Variants in DCAF6 observed in about 807,000 individuals in gnomAD.
DCAF6 encodes the protein DDB1- and CUL4-associated factor 6.
In DCAF6, 54 loss-of-function variants were observed where a neutral mutation model predicts 125.1. The observed-to-expected ratio is 0.43, with a 90% CI of 0.35 to 0.54. The LOEUF (loss-of-function observed/expected upper bound fraction) is 0.54, where lower values mean the gene tolerates loss of function less well. DCAF6 is among the 20% of genes least tolerant of loss of function. DCAF6 has a pLI of 0.01. For missense variants in DCAF6, 934 were observed against 1,161.7 expected (o/e 0.80, Z 2.85); for synonymous variants, 371 against 390.4 (o/e 0.95, Z 0.58).
Position 168,004,574 on chromosome 1 carries a change from C to T in DCAF6, c.1159C>T (p.Pro387Ser). 6.2e-7 allele frequency: 1 copy of T among 1,612,072 alleles called. No individual in the cohort carries two copies. ...AGATATTTCAACTCTTCCTACGGTC[C>T]CATCAAGTCCTGATTTGGAAGTGAG... ...QSDISTLPTV[P>S]SSPDLEVSET... is the part of the protein sequence containing the mutation. The change falls in exon 10 of 22, where the codon CCA becomes TCA. Residue 387 changes from proline to serine, a missense_variant. By Grantham distance (74) the Pro-to-Ser change is moderately conservative. Transcript: ENST00000367840.
intron 2 of DCAF6, among the ~76,000 whole-genome samples, chr1:167,952,762 C>G (rs1557884352): frequency 6.6e-6 from 1 of 152,132 alleles, no homozygotes; most frequent in Non-Finnish European, 1.5e-5. Flanking sequence ...TCTGCCTCTT[C>G]CCAGAGTTTT....
intron 3 of DCAF6, among the ~76,000 whole-genome samples, chr1:167,967,306 A>G (rs1676566098): frequency 6.6e-6 from 1 of 152,204 alleles, no homozygotes. Flanking sequence ...CCATAAGCTA[A>G]TAAACTCCCT....
intron 16 of DCAF6, among the ~76,000 whole-genome samples, chr1:168,049,678 C>T (rs1294169842): frequency 3.0e-5 from 3 of 100,206 alleles, no homozygotes; most frequent in Admixed American, 1.4e-4. Flanking sequence ...TTTTTGGAGA[C>T]GGAGTCTCGC....
Position 168,044,455 on chromosome 1 carries a change from A to G in DCAF6, c.1844-130A>G, listed in dbSNP as rs1688912652. 7.4e-6 allele frequency: 5 copies of G among 674,762 alleles called. No homozygotes were observed. The South Asian group carries it at 9.0e-5, about 12-fold the overall frequency. 41.8% of individuals were successfully genotyped at this position (674,762 alleles called of 1,614,324 possible). ...TTACAGTATAAGGAAGGGTATGCAT[A>G]GGTTATATGCAAATATTATGCCATT... On this transcript the variant is annotated intron_variant, in intron 14 of 21. Transcript: ENST00000367840.
chr1:168,049,181 C>T (rs1689513295), intron 16 of DCAF6, among the ~76,000 whole-genome samples: 2 of 152,050 alleles, frequency 1.3e-5, no homozygotes, highest in South Asian at 4.1e-4. Context: ...AGGAAAAAAG[C>T]AAAACAAAGC....
rs781126980 is a variant in DCAF6 at position 168,044,676 on chromosome 1, G to A, written c.1930+5G>A. 2 of 1,604,362 alleles carry A rather than the reference G, an allele frequency of 1.2e-6. No homozygotes were observed. Among genetic ancestry groups the A allele is most frequent in the Non-Finnish European group, 1.7e-6 (2 of 1,171,704 alleles). On this transcript the variant is annotated splice_donor_5th_base_variant and intron_variant, in intron 15 of 21. Transcript: ENST00000367840. ...TTGAGAACCATATCAATATAAGTGAGTTGCTCCCTTTAGATAATTGCTTTG... is the reference window on the plus strand; with the variant it reads ...TTGAGAACCATATCAATATAAGTGAATTGCTCCCTTTAGATAATTGCTTTG...
At chr1:167,925,464 T>TATATATAC in the DCAF6 span, among the ~76,000 whole-genome samples, 1 of 116,646 alleles carries the variant, frequency 8.6e-6, no homozygotes, top group African/African-American at 4.0e-5. Flanking sequence ...TATATATATA[T>TATATATAC]ATATATATAT....
the DCAF6 span, chr1:167,870,138 C>A: frequency 8.9e-7 from 1 of 1,124,124 alleles, no homozygotes. Flanking sequence ...AGGGTCATGG[C>A]ATCCAATAAT....
At chr1:167,892,033 G>GC in the DCAF6 span, among the ~76,000 whole-genome samples, 2 of 114 alleles carry the variant, frequency 0.018, no homozygotes, top group Non-Finnish European at 0.034. Context: ...GAGTGCAGTG[G>GC]AGCAATCTCG....
chr1:168,049,197 A>C (rs1296982583), intron 16 of DCAF6, among the ~76,000 whole-genome samples: 2 of 152,150 alleles, frequency 1.3e-5, no homozygotes, highest in African/African-American at 4.8e-5. Context: ...AAAGCAAAAA[A>C]ATAGTATGTG....
intron 4 of DCAF6, among the ~76,000 whole-genome samples, chr1:167,986,046 T>G (rs894283043): frequency 1.3e-5 from 2 of 152,236 alleles, no homozygotes; most frequent in Non-Finnish European, 2.9e-5. Context: ...AGAATAGTAA[T>G]GATTTGTTCA....
At chr1:168,045,309 C>A in intron 16 of DCAF6, 82 bp downstream of exon 16, 1 of 1,269,954 alleles carries the variant, frequency 7.9e-7, no homozygotes. Flanking sequence ...GGAATCTCTC[C>A]ATTTTTGACA....
At chr1:168,033,360 CTGCGGACTGCAGTGGCGCAA>C (rs1257043178) in intron 12 of DCAF6, among the ~76,000 whole-genome samples, 1 of 143,690 alleles carries the variant, frequency 7.0e-6, no homozygotes, top group Non-Finnish European at 1.5e-5. Context: ...CCAGGCCGGA[CTGCGGACTGCAGTGGCGCAA>C]TCTCGGCTCA....
At chr1:167,869,311 T>C in the DCAF6 span, among the ~76,000 whole-genome samples, 1 of 152,150 alleles carries the variant, frequency 6.6e-6, no homozygotes, top group Admixed American at 6.5e-5. Flanking sequence ...CCAAAATGCC[T>C]CAACACAAGT....
chr1:167,874,538 T>C, the DCAF6 span, among the ~76,000 whole-genome samples: 1 of 152,192 alleles, frequency 6.6e-6, no homozygotes, highest in Non-Finnish European at 1.5e-5. Flanking sequence ...AGTCAGAATA[T>C]AAATAAATAC....
intron 10 of DCAF6, among the ~76,000 whole-genome samples, chr1:168,007,312 A>G (rs546549271): frequency 6.6e-6 from 1 of 152,138 alleles, no homozygotes; most frequent in South Asian, 2.1e-4. Flanking sequence ...TGGCCTTAAC[A>G]TGCTCTTATT....
intron 3 of DCAF6, among the ~76,000 whole-genome samples, chr1:167,974,293 C>T (rs73026133): frequency 0.11 from 16,677 of 151,938 alleles, 1,035 homozygotes; most frequent in African/African-American, 0.16. Flanking sequence ...TTATCTGCAA[C>T]AAATTATACA....
intron 4 of DCAF6, 92 bp downstream of exon 4, chr1:167,975,107 C>A: frequency 1.4e-6 from 1 of 723,222 alleles, no homozygotes; most frequent in Non-Finnish European, 2.1e-6. Context: ...TGTACATGTA[C>A]AGATGTGTGT....
intron 17 of DCAF6, among the ~76,000 whole-genome samples, chr1:168,059,445 G>A (rs1008923861): frequency 6.6e-6 from 1 of 152,112 alleles, no homozygotes; most frequent in Non-Finnish European, 1.5e-5. Flanking sequence ...GGCGGCTAAG[G>A]CAAGACCCTT....
Sources: gnomAD v4.1 joint callset for allele counts (sites outside exome capture counted in the v4.1 genomes callset) on GRCh38, gnomAD v4.1.1 for gene constraint, MANE v1.5 for transcripts, NCBI Gene and HGNC (gene_info 2026-07-23, HGNC 2026-07-21) for gene names.